YIPF3: variants seen among roughly 807,000 people sequenced by gnomAD.
The protein encoded by YIPF3 is Yip1 domain family member 3, also known as protein YIPF3.
In YIPF3, 18 loss-of-function variants were observed where a neutral mutation model predicts 40.3. The ratio of observed to expected loss-of-function variants is 0.45; its 90% CI spans 0.31 to 0.66. The LOEUF is 0.66. Ranked by LOEUF, YIPF3 falls within the 30% of genes least tolerant of loss-of-function variation. The pLI, the probability that YIPF3 is intolerant of heterozygous loss-of-function variation, is 0.07. For missense variants in YIPF3, 406 were observed against 452.2 expected (o/e 0.90, Z 0.93); for synonymous variants, 190 against 179.6 (o/e 1.06, Z -0.46).
rs777928649 is a variant in YIPF3, at chr6:43,512,479, G to A, written c.865C>T (p.Leu289=). 3.6e-5 allele frequency: 58 copies of A among 1,614,008 alleles called. No individual in the cohort carries two copies. The Admixed American group carries it at 9.2e-4, about 26-fold the overall frequency. ...TGGTAGGCAAAATGCAGATAGAGCA[G>A]GAAGAGCATGTGTAGGGCAGCCAGG... The part of the protein sequence containing the change: ...GTLAALHMLF[L]LYLHFAYHKV... The change falls in exon 8 of 9, where the codon CTG becomes TTG. Residue 289 remains leucine, a synonymous_variant. Coordinates refer to ENST00000372422, the MANE Select transcript of YIPF3 (RefSeq NM_015388.4).
Position 43,512,485 on chromosome 6 carries a change from G to A in YIPF3, c.859C>T (p.Leu287Phe). 6.2e-7 allele frequency: 1 copy of A among 1,614,024 alleles called. No individual in the cohort carries two copies. Among genetic ancestry groups the A allele is most frequent in the African/African-American group, 1.3e-5 (1 of 75,054 alleles). ...GCAAAATGCAGATAGAGCAGGAAGA[G>A]CATGTGTAGGGCAGCCAGGGTGCCA... is the stretch of plus-strand genomic sequence containing the variant. ...LCGTLAALHM[L>F]FLLYLHFAYH... Residue 287 changes from leucine to phenylalanine, a missense_variant, in exon 8 of 9, where the codon CTC becomes TTC. By Grantham distance (22) the Leu-to-Phe change is conservative. Transcript: ENST00000372422.
intron 6 of YIPF3, 74 bp from the exon 7 acceptor site, chr6:43,512,948 A>G (rs1792703413): frequency 6.3e-7 from 1 of 1,592,002 alleles, no homozygotes; most frequent in African/African-American, 1.3e-5. Flanking sequence ...GGACCCTGGG[A>G]AACACATGGT....
At chr6:43,512,341 A>G in intron 8 of YIPF3, 26 bp from the exon 9 acceptor site, 2 of 1,612,180 alleles carry the variant, frequency 1.2e-6, no homozygotes, top group Non-Finnish European at 1.7e-6. Context: ...AAGGTGAGCG[A>G]GGATCAGATG....
At chr6:43,512,601 CAA>C (rs1792695253) in intron 7 of YIPF3, 38 bp from the exon 8 acceptor site, 1 of 1,585,984 alleles carries the variant, frequency 6.3e-7, no homozygotes, top group Admixed American at 1.8e-5. Flanking sequence ...GGCCTGGCTC[CAA>C]AGTGAGGAGT....
At chr6:43,512,689 G>A in intron 7 of YIPF3, 72 bp downstream of exon 7, 1 of 1,564,038 alleles carries the variant, frequency 6.4e-7, no homozygotes, top group African/African-American at 1.4e-5. Context: ...TTGTGAGATG[G>A]ACAGCTCCAG....
chr6:43,516,331 G>C (rs1792829276), intron 1 of YIPF3: 1 of 964,044 alleles, frequency 1.0e-6, no homozygotes, highest in Non-Finnish European at 1.5e-6. Context: ...TTTCTCCTAT[G>C]TTACCTATCA....
chr6:43,512,009 A>T lies in YIPF3; in HGVS notation c.*158T>A. On this transcript the variant is annotated 3_prime_UTR_variant, in exon 9 of 9. Coordinates refer to ENST00000372422, the MANE Select transcript of YIPF3 (RefSeq NM_015388.4). ...AGGAGTTCTTGGCCTTGTGCCTTTCAGAAGTGCCGACAGGCATCAAGGAGG... is the reference window on the plus strand; with the variant it reads ...AGGAGTTCTTGGCCTTGTGCCTTTCTGAAGTGCCGACAGGCATCAAGGAGG... 1 of 1,208,334 alleles carries T rather than the reference A, an allele frequency of 8.3e-7. No homozygotes were observed. Among genetic ancestry groups the T allele is most frequent in the Non-Finnish European group, 1.2e-6 (1 of 868,776 alleles). 74.9% of individuals were successfully genotyped at this position (1,208,334 alleles called of 1,614,324 possible).
At position 43,513,128 on chromosome 6, in the gene YIPF3, A is replaced by C; in HGVS notation, c.607T>G (p.Tyr203Asp). The C allele has an allele frequency of 6.2e-7, 1 of 1,614,194 alleles. No individual in the cohort carries two copies. Among genetic ancestry groups the C allele is most frequent in the Non-Finnish European group, 8.5e-7 (1 of 1,180,038 alleles). Reference protein sequence around the residue: ...GYWLGVSSFIYFLAYLCNAQI... With the variant: ...GYWLGVSSFIDFLAYLCNAQI... ...GCGTTGCACAGGTAGGCAAGGAAGT[A>C]AATGAAGGATGAGACTCCCAGCCAG... Residue 203 changes from tyrosine to aspartate, a missense_variant, in exon 6 of 9, where the codon TAC (tyrosine) becomes GAC (aspartate). By Grantham distance (160) the Tyr-to-Asp change is radical. Transcript: ENST00000372422.
Position 43,512,891 on chromosome 6 carries a change from T to A in YIPF3, c.667-17A>T. ...GCCATAGCCCTGGGAAGGAGGATGG[T>A]GGAGAGGAAAATCATTCAGGTTGGG... is the stretch of plus-strand genomic sequence containing the variant. On this transcript the variant is annotated splice_polypyrimidine_tract_variant and intron_variant, in intron 6 of 8. Coordinates refer to ENST00000372422, the MANE Select transcript of YIPF3 (RefSeq NM_015388.4). The A allele has an allele frequency of 6.2e-7, 1 of 1,610,962 alleles. No individual in the cohort carries two copies. Among genetic ancestry groups the A allele is most frequent in the Non-Finnish European group, 8.5e-7 (1 of 1,178,218 alleles).
Position 43,513,386 on chromosome 6 carries a change from A to G in YIPF3, c.507T>C (p.His169=), listed in dbSNP as rs372725794. Residue 169 remains histidine, a synonymous_variant, in exon 5 of 9, where the codon CAT becomes CAC. Transcript: ENST00000372422. The stretch of plus-strand genomic sequence containing the variant: ...TAATAGTGTCAGACGTCTTCATCCC[A>G]TGGAGTAGGATAGCAACCAGAGTGA... ...LVFTLVAILL[H]GMKTSDTIIR... 5.0e-6 allele frequency: 8 copies of G among 1,614,134 alleles called. No homozygotes were observed. Among genetic ancestry groups the G allele is most frequent in the Non-Finnish European group, 4.2e-6 (5 of 1,180,014 alleles).
rs576147449 is a variant in YIPF3, at chr6:43,512,637, G to A, written c.781-74C>T. On this transcript the variant is annotated intron_variant, in intron 7 of 8. Transcript: ENST00000372422. ...GTGGGGACAAGACACCCCCACCCAGGGCAGAACCATCTTTGGGCTCTTCCC... is the reference window on the plus strand; with the variant it reads ...GTGGGGACAAGACACCCCCACCCAGAGCAGAACCATCTTTGGGCTCTTCCC... The A allele has an allele frequency of 1.4e-5, 22 of 1,547,774 alleles. No individual in the cohort carries two copies. The African/African-American group carries it at 1.9e-4, about 13-fold the overall frequency.
Position 43,512,148 on chromosome 6 carries a change from C to A in YIPF3, c.*19G>T. The A allele has an allele frequency of 6.2e-7, 1 of 1,614,046 alleles. No homozygotes were observed. The highest frequency in any genetic ancestry group is 1.1e-5 in the South Asian group (1 of 91,068). On this transcript the variant is annotated 3_prime_UTR_variant, in exon 9 of 9. Coordinates refer to ENST00000372422, the MANE Select transcript of YIPF3 (RefSeq NM_015388.4). The stretch of plus-strand genomic sequence containing the variant: ...CTGCAGCTGCGGGAAAGAGGACTGG[C>A]CAAGAATTTCAGGTGGGGTCAGTGT...
chr6:43,515,747 T>C (rs1230975026), intron 2 of YIPF3, 46 bp from the exon 3 acceptor site: 6 of 1,610,000 alleles, frequency 3.7e-6, no homozygotes, highest in Non-Finnish European at 5.1e-6. Flanking sequence ...CTGTTGGTTC[T>C]AGATCCTGTT....
At chr6:43,515,516 C>G in intron 3 of YIPF3, 79 bp downstream of exon 3, 2 of 1,478,332 alleles carry the variant, frequency 1.4e-6, no homozygotes, top group South Asian at 2.3e-5. Context: ...CATCAGAGCC[C>G]AGGGCTTGAA....
At position 43,515,552 on chromosome 6, in the gene YIPF3, C is replaced by A. The variant is rs1277621727; in HGVS notation, c.395+43G>T. On this transcript the variant is annotated intron_variant, in intron 3 of 8. Coordinates refer to ENST00000372422, the MANE Select transcript of YIPF3 (RefSeq NM_015388.4). ...ATCTGACTGTAGTGTGCATGAAGGT[C>A]TAGGTGTTAGGAGGGAAGCTTCTTC... 2.8e-5 allele frequency: 45 copies of A among 1,603,144 alleles called. 1 individual carries two copies. In the Admixed American group the frequency reaches 7.5e-4, roughly 27 times the overall value.
chr6:43,512,054 C>A lies in YIPF3; in HGVS notation c.*113G>T. 1 of 1,497,286 alleles carries A rather than the reference C, an allele frequency of 6.7e-7. No homozygotes were observed. The highest frequency in any genetic ancestry group is 1.3e-5 in the South Asian group (1 of 78,910). 92.8% of individuals were successfully genotyped at this position (1,497,286 alleles called of 1,614,324 possible). A position where few individuals can be genotyped will look rare whatever the true frequency, so the allele number is the denominator to read the frequency against. On this transcript the variant is annotated 3_prime_UTR_variant, in exon 9 of 9. Transcript: ENST00000372422. The stretch of plus-strand genomic sequence containing the variant: ...AGGAGGTACTTACGCAGCTACAGCT[C>A]AGTGGCAGCTGCAAACCCCATCTAC...
rs1792853590 is a variant in YIPF3, at chr6:43,516,844, G to C, written c.-37C>G. 1.3e-6 allele frequency: 2 copies of C among 1,554,564 alleles called. No individual in the cohort carries two copies. The highest frequency in any genetic ancestry group is 1.2e-5 in the South Asian group (1 of 84,820). ...GCTCCCGTCGCTGAAACCCGCGCTA[G>C]CCCCGCGCGCGGAGTGGGCAAGATG... On this transcript the variant is annotated 5_prime_UTR_variant, in exon 1 of 9. Transcript: ENST00000372422.
chr6:43,513,500 G>A (rs372210748), intron 4 of YIPF3, 49 bp from the exon 5 acceptor site: 2 of 1,612,370 alleles, frequency 1.2e-6, no homozygotes, highest in African/African-American at 2.7e-5. Flanking sequence ...CAGCTCATCT[G>A]TTTATGGCTT....
chr6:43,515,414 T>A lies in YIPF3; in HGVS notation c.395+181A>T, dbSNP rs1792779272. On this transcript the variant is annotated intron_variant, in intron 3 of 8. Coordinates refer to ENST00000372422, the MANE Select transcript of YIPF3 (RefSeq NM_015388.4). ...GAGGGAAGATGAGTAGTCAGTTAGATGGAAAAGAAGAGGAAGATGGTGTGC... is the reference window on the plus strand; with the variant it reads ...GAGGGAAGATGAGTAGTCAGTTAGAAGGAAAAGAAGAGGAAGATGGTGTGC... 4 of 699,162 alleles carry A rather than the reference T, an allele frequency of 5.7e-6. No individual in the cohort carries two copies. The Admixed American group carries it at 8.1e-5, about 14-fold the overall frequency. 43.3% of individuals were successfully genotyped at this position (699,162 alleles called of 1,614,324 possible).
Sources: allele counts gnomAD v4.1 joint callset, GRCh38; gene constraint gnomAD v4.1.1; transcripts MANE v1.5; gene names NCBI Gene and HGNC (gene_info 2026-07-23, HGNC 2026-07-21).